The following MME variants were observed in gnomAD, a reference collection of about 807,000 sequenced individuals.
The protein encoded by MME is neprilysin.
In MME, 98 loss-of-function variants were observed where a neutral mutation model predicts 113.2. The observed-to-expected ratio is 0.87, with a 90% CI of 0.74 to 1.02. The LOEUF (loss-of-function observed/expected upper bound fraction) is 1.02. Ranked by LOEUF, MME falls within the 50% of genes least tolerant of loss-of-function variation. The pLI, the probability that MME is intolerant of heterozygous loss-of-function variation, is 0.00. For missense variants in MME, 836 were observed against 896.0 expected (o/e 0.93, Z 0.86); for synonymous variants, 292 against 300.6 (o/e 0.97, Z 0.30).
chr3:155,110,340 G>A (rs1718087030), intron 3 of MME, among the ~76,000 whole-genome samples: 1 of 152,172 alleles, frequency 6.6e-6, no homozygotes, highest in South Asian at 2.1e-4. Context: ...ATCTTGTACA[G>A]CTAAAAAGTG....
intron 8 of MME, among the ~76,000 whole-genome samples, 177 bp from the exon 9 acceptor site, chr3:155,137,925 A>G (rs1720758623): frequency 7.4e-6 from 1 of 135,690 alleles, no homozygotes; most frequent in African/African-American, 2.5e-5. Flanking sequence ...TTATTCAAAG[A>G]TATATTGACT....
intron 14 of MME, 99 bp downstream of exon 14, chr3:155,144,556 T>C: frequency 1.3e-6 from 1 of 752,050 alleles, no homozygotes; most frequent in Non-Finnish European, 2.3e-6. Context: ...AAAGATTGCA[T>C]AAAAACTTGT....
chr3:155,166,929 C>T lies in MME; in HGVS notation c.1688C>T (p.Pro563Leu). The change falls in exon 18 of 23, where the codon CCC becomes CTC. Residue 563 changes from proline (P) to leucine (L), a missense_variant. Physicochemically the swap from Pro to Leu is moderately conservative, Grantham distance 98. Transcript: ENST00000360490. ...IVFPAGILQP[P>L]FFSAQQSNSL... ...TTCCCAGCCGGCATTCTGCAGCCCC[C>T]CTTCTTTAGTGCCCAGCAGTCCAAC... 6.2e-7 allele frequency: 1 copy of T among 1,613,716 alleles called. No homozygotes were observed. The highest frequency in any genetic ancestry group is 1.1e-5 in the South Asian group (1 of 91,076).
At chr3:155,042,597 G>A (rs1489276129) in intron 1 of MME, among the ~76,000 whole-genome samples, 1 of 151,870 alleles carries the variant, frequency 6.6e-6, no homozygotes, top group Non-Finnish European at 1.5e-5. Flanking sequence ...TACCTTTCAA[G>A]GAGGTTGTGT....
intron 1 of MME, among the ~76,000 whole-genome samples, chr3:155,060,843 G>GAC (rs1714111090): frequency 1.3e-5 from 2 of 151,752 alleles, no homozygotes; most frequent in African/African-American, 4.9e-5. Flanking sequence ...GAGAGAGAGA[G>GAC]AGAGAGAGAG....
At chr3:155,152,223 A>G (rs1721986342) in intron 16 of MME, among the ~76,000 whole-genome samples, 1 of 152,074 alleles carries the variant, frequency 6.6e-6, no homozygotes, top group Non-Finnish European at 1.5e-5. Context: ...ACCACCCTTT[A>G]TGCCCTGGTT....
rs1353552791 is a variant in MME at position 155,063,918 on chromosome 3, G to A, written c.-10-20240G>A. 7.3e-5 allele frequency among the ~76,000 whole-genome samples: 11 copies of A among 149,684 alleles called. 1 individual carries two copies. Among genetic ancestry groups the A allele is most frequent in the Admixed American group, 4.0e-4 (6 of 15,050 alleles). On this transcript the variant is annotated intron_variant, in intron 1 of 22. Coordinates refer to the MME transcript ENST00000492661. ...TCAATGTGACTGTATTTGGGAGATG[G>A]GGGCTTTACAGAGGTAATCAAGGTT...
chr3:155,115,315 C>T (rs1170531508), intron 4 of MME, among the ~76,000 whole-genome samples, 160 bp downstream of exon 4: 2 of 152,208 alleles, frequency 1.3e-5, no homozygotes, highest in Non-Finnish European at 2.9e-5. Flanking sequence ...CTGATAGTGG[C>T]AGACACTGAA....
At chr3:155,073,463 C>A (rs1559900226) in intron 1 of MME, among the ~76,000 whole-genome samples, 2 of 152,126 alleles carry the variant, frequency 1.3e-5, no homozygotes, top group Non-Finnish European at 1.5e-5. Flanking sequence ...TCTACTAAGC[C>A]TTGTGCACCA....
Position 155,123,778 on chromosome 3 carries a change from C to T in MME, c.720+4967C>T, listed in dbSNP as rs1400918159. Among the ~76,000 whole-genome samples, 12 of 64,608 alleles carry T rather than the reference C, an allele frequency of 1.9e-4. 5 individuals carry two copies. The highest frequency in any genetic ancestry group is 4.8e-4 in the African/African-American group (9 of 18,666). 42.4% of individuals were successfully genotyped at this position (64,608 alleles called of 152,430 possible). A position where few individuals can be genotyped will look rare whatever the true frequency, so the allele number is the denominator to read the frequency against. ...CTCTTCTGGCTTGTAGGGTTTCTGC[C>T]GAGAGATCCGTTGTTAGTCTGATGG... On this transcript the variant is annotated intron_variant, in intron 8 of 22. Transcript: ENST00000360490.
chr3:155,135,240 A>G (rs921106915), intron 8 of MME, among the ~76,000 whole-genome samples: 2 of 152,184 alleles, frequency 1.3e-5, no homozygotes, highest in East Asian at 1.9e-4. Context: ...GGTATTTCCT[A>G]TTTTGTTCTA....
chr3:155,038,951 T>C (rs1713218518), intron 1 of MME, among the ~76,000 whole-genome samples: 1 of 152,224 alleles, frequency 6.6e-6, no homozygotes, highest in African/African-American at 2.4e-5. Context: ...TTCATTCTCA[T>C]TATTCTCCTC....
intron 16 of MME, 25 bp from the exon 17 acceptor site, chr3:155,160,365 T>A (rs1201242404): frequency 3.3e-6 from 5 of 1,525,726 alleles, no homozygotes; most frequent in Non-Finnish European, 4.5e-6. Context: ...GTATCATTTG[T>A]AAAGAGTTCT....
chr3:155,163,143 G>A (rs1179936602), intron 17 of MME, among the ~76,000 whole-genome samples: 1 of 151,774 alleles, frequency 6.6e-6, no homozygotes, highest in African/African-American at 2.4e-5. Context: ...ATAAAATTAG[G>A]GTTGGTATAG....
At chr3:155,125,996 C>G (rs1222305566) in intron 8 of MME, among the ~76,000 whole-genome samples, 1 of 151,924 alleles carries the variant, frequency 6.6e-6, no homozygotes, top group East Asian at 1.9e-4. Flanking sequence ...TTTATTTTGC[C>G]AAATTATGAA....
intron 1 of MME, among the ~76,000 whole-genome samples, chr3:155,060,520 A>G (rs1342466884): frequency 6.6e-6 from 1 of 152,162 alleles, no homozygotes; most frequent in East Asian, 1.9e-4. Flanking sequence ...GTAGGTGCTT[A>G]CTGTTGTGAT....
At chr3:155,093,589 G>C (rs943067068) in intron 3 of MME, among the ~76,000 whole-genome samples, 4 of 152,128 alleles carry the variant, frequency 2.6e-5, no homozygotes, top group Non-Finnish European at 4.4e-5. Context: ...CGGGCGTTTT[G>C]GCTCACGTCT....
At chr3:155,032,491 A>G (rs532442011) in intron 1 of MME, among the ~76,000 whole-genome samples, 1 of 152,354 alleles carries the variant, frequency 6.6e-6, no homozygotes, top group East Asian at 1.9e-4. Context: ...TCTTAAAAGC[A>G]GAGCTTCAAT....
chr3:155,177,027 C>T (rs930075529), intron 22 of MME, among the ~76,000 whole-genome samples: 4 of 151,922 alleles, frequency 2.6e-5, no homozygotes, highest in Admixed American at 6.6e-5. Context: ...CCACTCTCTG[C>T]GGTGTTATCT....
Sources: allele counts gnomAD v4.1 joint callset (sites outside exome capture counted in the v4.1 genomes callset), GRCh38; gene constraint gnomAD v4.1.1; transcripts MANE v1.5; gene names NCBI Gene and HGNC (gene_info 2026-07-23, HGNC 2026-07-21).